UGGT1: variants seen among roughly 807,000 people sequenced by gnomAD.
The protein encoded by UGGT1 is UDP-glucose glycoprotein glucosyltransferase 1, also known as UDP-glucose:glycoprotein glucosyltransferase 1.
A neutral mutation model predicts 203.9 loss-of-function variants in UGGT1; 107 were observed. The observed-to-expected ratio is 0.52, with a 90% CI of 0.45 to 0.62. The LOEUF (loss-of-function observed/expected upper bound fraction) is 0.62, where lower values mean the gene tolerates loss of function less well. Ranked by LOEUF, UGGT1 falls within the 20% of genes least tolerant of loss-of-function variation. The probability of loss-of-function intolerance (pLI) is 0.00; values close to 1 mark genes in which losing one functional copy is unlikely to be tolerated. For synonymous variants in UGGT1, 628 were observed against 653.5 expected (o/e 0.96, Z 0.59); for missense variants, 1,673 against 1,867.2 (o/e 0.90, Z 1.92).
rs369755767 is a variant in UGGT1, at chr2:128,145,963, A to T, written c.2012A>T (p.Tyr671Phe). 1.9e-6 allele frequency: 3 copies of T among 1,613,888 alleles called. No individual in the cohort carries two copies. Among genetic ancestry groups the T allele is most frequent in the Non-Finnish European group, 2.5e-6 (3 of 1,179,946 alleles). Residue 671 changes from tyrosine (Y) to phenylalanine (F), a missense_variant, in exon 18 of 41, where the codon TAC (tyrosine) becomes TTC (phenylalanine). Physicochemically the swap from Tyr to Phe is conservative, Grantham distance 22. Around this residue, in one of 4 missense-constraint regions of UGGT1, gnomAD observed 1,073 missense variants for 1,078.7 expected, o/e 0.99. Transcript: ENST00000259253. ...ETTTFFQRAV[Y>F]LGELPHDQDV... is the part of the protein sequence containing the mutation. ...ACCACCTTCTTCCAAAGAGCGGTGT[A>T]CTTGGTGAGTCACGTTTCAAGGCTG...
chr2:128,097,388 AT>A, intron 1 of UGGT1, 40 bp from the exon 2 acceptor site: 2 of 1,577,188 alleles, frequency 1.3e-6, no homozygotes, highest in Non-Finnish European at 8.6e-7. Context: ...AAAAAAAAAA[AT>A]TTCCTTGTAG....
In UGGT1 at chr2:128,195,581, ATC is replaced by A. The variant is rs1292708401; in HGVS notation, c.*5843_*5844del. The A allele has an allele frequency of 1.3e-5, 2 of 152,352 alleles. No homozygotes were observed. Among genetic ancestry groups the A allele is most frequent in the South Asian group, 2.1e-4 (1 of 4,830 alleles). 9.4% of individuals were successfully genotyped at this position (152,352 alleles called of 1,614,324 possible). Reference sequence around the variant, plus strand: ...CATTGGGCTTTTAAATGTCTGCAGAATCTCTGCGTTCGAAGGGAATTGAGAAT... The same window carrying A: ...CATTGGGCTTTTAAATGTCTGCAGAATCTGCGTTCGAAGGGAATTGAGAAT... On this transcript the variant is annotated 3_prime_UTR_variant, in exon 41 of 41. Transcript: ENST00000259253.
intron 26 of UGGT1, among the ~76,000 whole-genome samples, 158 bp from the exon 27 acceptor site, chr2:128,170,130 G>C (rs1301840753): frequency 2.0e-5 from 3 of 152,110 alleles, no homozygotes; most frequent in Non-Finnish European, 4.4e-5. Flanking sequence ...TGCAATCTTT[G>C]GGATAGACAG....
At chr2:128,106,979 G>A (rs539611054) in intron 3 of UGGT1, among the ~76,000 whole-genome samples, 1 of 152,190 alleles carries the variant, frequency 6.6e-6, no homozygotes, top group Non-Finnish European at 1.5e-5. Context: ...CACTGTGCTT[G>A]TCCTTTAAAA....
At position 128,172,617 on chromosome 2, in the gene UGGT1, A is replaced by G; in HGVS notation, c.3149A>G (p.Asp1050Gly). The stretch of plus-strand genomic sequence containing the variant: ...GAACCAGAGATTTCTTTCACTTCAG[A>G]CAATAGTTTTGCTAAGGGTCCAATC... Reference protein sequence around the residue: ...VLEPEISFTSDNSFAKGPIAK... With the variant: ...VLEPEISFTSGNSFAKGPIAK... The change falls in exon 29 of 41, where the codon GAC (aspartate) becomes GGC (glycine). Residue 1050 changes from aspartate (D) to glycine (G), a missense_variant. Physicochemically the swap from Asp to Gly is moderately conservative, Grantham distance 94. This residue lies in a region of UGGT1 where 513 missense variants were observed against 684.1 expected (regional missense o/e 0.75). Transcript: ENST00000259253. 4 of 1,614,130 alleles carry G rather than the reference A, an allele frequency of 2.5e-6. No individual in the cohort carries two copies. Among genetic ancestry groups the G allele is most frequent in the Non-Finnish European group, 3.4e-6 (4 of 1,180,034 alleles).
At chr2:128,108,113 A>T in intron 4 of UGGT1, 45 bp downstream of exon 4, 1 of 1,602,700 alleles carries the variant, frequency 6.2e-7, no homozygotes, top group East Asian at 2.2e-5. Context: ...AGTGTATATC[A>T]TGATGAATGG....
rs1227874266 is a variant in UGGT1 at position 128,172,553 on chromosome 2, A to G, written c.3105-20A>G. On this transcript the variant is annotated intron_variant, in intron 28 of 40. Coordinates refer to ENST00000259253, the MANE Select transcript of UGGT1 (RefSeq NM_020120.4). ...GTTGTCACATCGAAAATTATCTAAC[A>G]CTTTCCTTTTCAATTTCAGCTTTTA... 1.2e-6 allele frequency: 2 copies of G among 1,613,102 alleles called. No homozygotes were observed. Among genetic ancestry groups the G allele is most frequent in the Admixed American group, 1.7e-5 (1 of 59,974 alleles).
At chr2:128,178,707 C>CCA (rs1226148294) in intron 34 of UGGT1, 138 bp downstream of exon 34, 2 of 733,574 alleles carry the variant, frequency 2.7e-6, no homozygotes, top group Non-Finnish European at 4.4e-6. Context: ...GACTGGCTTG[C>CCA]CATTTATCAT....
At chr2:128,128,364 T>C (rs1688708633) in intron 12 of UGGT1, among the ~76,000 whole-genome samples, 1 of 150,402 alleles carries the variant, frequency 6.6e-6, no homozygotes, top group East Asian at 2.0e-4. Flanking sequence ...CAGGCTGGAG[T>C]CCAGTGGCAT....
intron 28 of UGGT1, among the ~76,000 whole-genome samples, chr2:128,171,828 AAAG>A (rs1418821976): frequency 6.6e-6 from 1 of 152,168 alleles, no homozygotes; most frequent in Non-Finnish European, 1.5e-5. Flanking sequence ...TTTCATCTTA[AAAG>A]AAGAATATTC....
intron 4 of UGGT1, 48 bp downstream of exon 4, chr2:128,108,116 A>G (rs1687684686): frequency 1.3e-6 from 2 of 1,596,706 alleles, no homozygotes; most frequent in South Asian, 2.2e-5. Context: ...GTATATCATG[A>G]TGAATGGATG....
intron 26 of UGGT1, among the ~76,000 whole-genome samples, chr2:128,168,497 C>T (rs1690908994): frequency 6.6e-6 from 1 of 151,940 alleles, no homozygotes; most frequent in African/African-American, 2.4e-5. Context: ...TGTATTCATC[C>T]CACTTAGGTA....
chr2:128,115,072 G>C (rs920881717), intron 6 of UGGT1, 52 bp from the exon 7 acceptor site: 1 of 1,534,746 alleles, frequency 6.5e-7, no homozygotes. Context: ...CATGTACACT[G>C]TGACATAGAA....
At chr2:128,149,331 C>T (rs1157145395) in intron 18 of UGGT1, among the ~76,000 whole-genome samples, 2 of 149,690 alleles carry the variant, frequency 1.3e-5, no homozygotes, top group Admixed American at 6.6e-5. Flanking sequence ...CATGAGCCAT[C>T]GTGCCTGGCC....
chr2:128,169,077 A>G (rs1425296932), intron 26 of UGGT1, among the ~76,000 whole-genome samples: 2 of 130,282 alleles, frequency 1.5e-5, no homozygotes, highest in Non-Finnish European at 3.4e-5. Flanking sequence ...AAAAAAAAAA[A>G]AAAAAAAAAA....
Position 128,177,934 on chromosome 2 carries a change from G to A in UGGT1, c.3713+14G>A, listed in dbSNP as rs1558823485. ...TTCCTTCAAATGGTAAGTTGACATT[G>A]TAAGAGTTATGTTTTTAAGGAAAAA... On this transcript the variant is annotated intron_variant, in intron 33 of 40. Coordinates refer to ENST00000259253, the MANE Select transcript of UGGT1 (RefSeq NM_020120.4). 1 of 1,582,402 alleles carries A rather than the reference G, an allele frequency of 6.3e-7. No homozygotes were observed. Among genetic ancestry groups the A allele is most frequent in the Non-Finnish European group, 8.6e-7 (1 of 1,165,164 alleles).
Position 128,194,649 on chromosome 2 carries a change from A to G in UGGT1, c.*4907A>G, listed in dbSNP as rs1158413516. 6.6e-6 allele frequency: 1 copy of G among 152,224 alleles called. No individual in the cohort carries two copies. The allele number at this position is 152,224 out of a possible 1,614,324, so 9.4% of individuals were successfully genotyped here. A position where few individuals can be genotyped will look rare whatever the true frequency, so the allele number is the denominator to read the frequency against. On this transcript the variant is annotated 3_prime_UTR_variant, in exon 41 of 41. Transcript: ENST00000259253. ...TTTGTGGGATGATTGGAGTTAATCA[A>G]ATAAAGCTTGTCATGTGTGTAGTTT...
chr2:128,162,123 T>C (rs185968292), intron 25 of UGGT1, among the ~76,000 whole-genome samples: 58 of 152,282 alleles, frequency 3.8e-4, no homozygotes, highest in African/African-American at 1.4e-3. Context: ...TCCCTAATGA[T>C]TGGTGATGTT....
intron 11 of UGGT1, among the ~76,000 whole-genome samples, chr2:128,123,509 C>T (rs577076874): frequency 5.9e-5 from 9 of 152,296 alleles, no homozygotes; most frequent in East Asian, 3.9e-4. Flanking sequence ...CATTCACTTT[C>T]GACATTTAGC....
Sources: allele counts gnomAD v4.1 joint callset (sites outside exome capture counted in the v4.1 genomes callset), GRCh38; gene constraint gnomAD v4.1.1; regional missense constraint gnomAD v4.1.1; transcripts MANE v1.5; gene names NCBI Gene and HGNC (gene_info 2026-07-23, HGNC 2026-07-21).